Variants in ZNF780B observed in about 807,000 individuals in gnomAD.
The protein encoded by ZNF780B is zinc finger protein 780B, also known as zinc finger protein 779.
A neutral mutation model predicts 74.1 loss-of-function variants in ZNF780B; 52 were observed. The observed-to-expected ratio is 0.70, with a 90% confidence interval of 0.56 to 0.88. The LOEUF is 0.88. ZNF780B is among the 40% of genes least tolerant of loss of function. ZNF780B has a pLI of 0.00. For missense variants in ZNF780B, 953 were observed against 1,007.6 expected (o/e 0.95, Z 0.73); for synonymous variants, 315 against 324.3 (o/e 0.97, Z 0.31).
At chr19:40,048,569 G>A in intron 3 of ZNF780B, 101 bp downstream of exon 3, 9 of 1,573,576 alleles carry the variant, frequency 5.7e-6, no homozygotes, top group Non-Finnish European at 7.9e-6. Flanking sequence ...ATAAGAAGAA[G>A]GAATCCAACT....
Position 40,035,086 on chromosome 19 carries a change from C to A in ZNF780B, c.1773G>T (p.Gly591=). 1 of 1,614,020 alleles carries A rather than the reference C, an allele frequency of 6.2e-7. No homozygotes were observed. The highest frequency in any genetic ancestry group is 8.5e-7 in the Non-Finnish European group (1 of 1,179,960). Residue 591 remains glycine, a synonymous_variant, in exon 5 of 5, where the codon GGG becomes GGT. Transcript: ENST00000434248. ...GGTGCATATGAAGTCGAAAGGCTTT[C>A]CCACATTCCTTACATTCAAAGGGTT... ...GKKPFECKEC[G]KAFRLHMHLI...
intron 4 of ZNF780B, among the ~76,000 whole-genome samples, chr19:40,038,877 TG>T (rs1219760777): frequency 6.6e-6 from 1 of 150,436 alleles, no homozygotes; most frequent in Non-Finnish European, 1.5e-5. Context: ...TTCACTCTGA[TG>T]GTAGTTTCTT....
chr19:40,041,323 C>A (rs962330398), intron 4 of ZNF780B, among the ~76,000 whole-genome samples: 1 of 152,122 alleles, frequency 6.6e-6, no homozygotes, highest in Non-Finnish European at 1.5e-5. Context: ...GCTTTACTTC[C>A]AACTATGTGG....
intron 3 of ZNF780B, 95 bp downstream of exon 3, chr19:40,048,575 C>T: frequency 6.3e-7 from 1 of 1,587,408 alleles, no homozygotes; most frequent in South Asian, 1.1e-5. Context: ...AGAAGGAATC[C>T]AACTACCTCT....
chr19:40,053,757 C>A (rs189433816), intron 1 of ZNF780B, among the ~76,000 whole-genome samples: 1 of 152,126 alleles, frequency 6.6e-6, no homozygotes, highest in Non-Finnish European at 1.5e-5. Context: ...TGCTGTCATT[C>A]GCAACAACAT....
chr19:40,043,054 T>C (rs1196830728), intron 4 of ZNF780B, among the ~76,000 whole-genome samples: 2 of 152,218 alleles, frequency 1.3e-5, no homozygotes, highest in Non-Finnish European at 2.9e-5. Flanking sequence ...TGGTCTTTGA[T>C]GATGGTGACG....
chr19:40,039,325 T>C (rs1972515757), intron 4 of ZNF780B, among the ~76,000 whole-genome samples: 1 of 152,224 alleles, frequency 6.6e-6, no homozygotes, highest in African/African-American at 2.4e-5. Flanking sequence ...CCTTGTAGTA[T>C]AGTTTGAAGT....
intron 3 of ZNF780B, 126 bp downstream of exon 3, chr19:40,048,542 AAT>A: frequency 6.8e-7 from 1 of 1,480,718 alleles, no homozygotes; most frequent in Non-Finnish European, 9.3e-7. Flanking sequence ...AACAAATCTC[AAT>A]CCATTCCTTC....
intron 4 of ZNF780B, among the ~76,000 whole-genome samples, chr19:40,045,710 G>A (rs1035903865): frequency 8.5e-5 from 13 of 152,154 alleles, no homozygotes; most frequent in Admixed American, 6.5e-4. Context: ...ATATCAGACT[G>A]GGCGCAGTGG....
rs1051753415 is a variant in ZNF780B, at chr19:40,028,308, C to A, written c.*6049G>T. The A allele has an allele frequency of 2.6e-5, 4 of 152,070 alleles. No individual in the cohort carries two copies. Among genetic ancestry groups the A allele is most frequent in the African/African-American group, 9.7e-5 (4 of 41,418 alleles). 9.4% of individuals were successfully genotyped at this position (152,070 alleles called of 1,614,324 possible). A position where few individuals can be genotyped will look rare whatever the true frequency, so the allele number is the denominator to read the frequency against. ...TTAGAAAATGAGTTTGCAGAGCCCC[C>A]CCATCTACCATCCAGAAGTGGAACT... On this transcript the variant is annotated 3_prime_UTR_variant, in exon 5 of 5. Coordinates refer to ENST00000434248, the MANE Select transcript of ZNF780B (RefSeq NM_001005851.3).
chr19:40,054,386 T>C (rs540565451), intron 1 of ZNF780B, among the ~76,000 whole-genome samples: 87 of 152,312 alleles, frequency 5.7e-4, no homozygotes, highest in African/African-American at 2.0e-3. Flanking sequence ...AGAGTGGATA[T>C]TAAGTGTTCT....
chr19:40,041,490 G>A (rs1475147360), intron 4 of ZNF780B, among the ~76,000 whole-genome samples: 1 of 152,086 alleles, frequency 6.6e-6, no homozygotes, highest in Non-Finnish European at 1.5e-5. Context: ...TGATCTGTCT[G>A]ATGTTGACAG....
rs772288735 is a variant in ZNF780B at position 40,035,821 on chromosome 19, T to C, written c.1038A>G (p.Thr346=). The C allele has an allele frequency of 6.2e-7, 1 of 1,614,110 alleles. No individual in the cohort carries two copies. The highest frequency in any genetic ancestry group is 8.5e-7 in the Non-Finnish European group (1 of 1,180,010). ...GAATCTTCTGATGTCGAACAAGCTT[T>C]GTCAGAAGAGTAAAGGCCTTTCTGC... ...KECRKAFTLL[T]KLVRHQKIHM... Residue 346 remains threonine, a synonymous_variant, in exon 5 of 5, where the codon ACA becomes ACG. Coordinates refer to ENST00000434248, the MANE Select transcript of ZNF780B (RefSeq NM_001005851.3).
rs1380782814 is a variant in ZNF780B at position 40,035,859 on chromosome 19, C to A, written c.1000G>T (p.Glu334Ter). The change falls in exon 5 of 5, where the codon GAA becomes TAA. Residue 334 changes from glutamate to a stop codon, truncating the protein, a stop_gained. Coordinates refer to ENST00000434248, the MANE Select transcript of ZNF780B (RefSeq NM_001005851.3). LOFTEE classifies it high-confidence loss of function. ...AAGGCCTTTCTGCATTCTTTACATTCAAAGGGTTTCTCGCCAGTATGAATT... is the reference window on the plus strand; with the variant it reads ...AAGGCCTTTCTGCATTCTTTACATTAAAAGGGTTTCTCGCCAGTATGAATT... ...CRIHTGEKPFECKECRKAFTL... is the reference protein window; with the variant it reads ...CRIHTGEKPF The A allele has an allele frequency of 6.2e-7, 1 of 1,613,694 alleles. No individual in the cohort carries two copies. The highest frequency in any genetic ancestry group is 8.5e-7 in the Non-Finnish European group (1 of 1,179,994).
At chr19:40,053,203 C>T (rs974014405) in intron 1 of ZNF780B, among the ~76,000 whole-genome samples, 1 of 152,014 alleles carries the variant, frequency 6.6e-6, no homozygotes, top group Non-Finnish European at 1.5e-5. Context: ...ATATCCAAAA[C>T]GTGTGAGGAA....
At chr19:40,048,011 C>G (rs1295541488) in intron 3 of ZNF780B, among the ~76,000 whole-genome samples, 1 of 152,176 alleles carries the variant, frequency 6.6e-6, no homozygotes, top group Non-Finnish European at 1.5e-5. Context: ...AACAGAAAAG[C>G]ATACACTTCA....
chr19:40,041,822 C>G (rs1384685143), intron 4 of ZNF780B, among the ~76,000 whole-genome samples: 1 of 152,068 alleles, frequency 6.6e-6, no homozygotes, highest in South Asian at 2.1e-4. Flanking sequence ...GGTGGGTTTC[C>G]TGAATACAGC....
At chr19:40,050,716 G>A (rs1166906382) in intron 1 of ZNF780B, among the ~76,000 whole-genome samples, 4 of 152,242 alleles carry the variant, frequency 2.6e-5, no homozygotes, top group African/African-American at 9.6e-5. Context: ...CTGGGCCTCT[G>A]ATCCTGCTGT....
At chr19:40,051,233 C>CAT (rs201454605) in intron 1 of ZNF780B, among the ~76,000 whole-genome samples, 32 of 134,994 alleles carry the variant, frequency 2.4e-4, no homozygotes, top group Middle Eastern at 3.4e-3. Context: ...CACACACACA[C>CAT]ATATATACAC....
Sources: gnomAD v4.1 joint callset for allele counts (sites outside exome capture counted in the v4.1 genomes callset) on GRCh38, gnomAD v4.1.1 for gene constraint, MANE v1.5 for transcripts, NCBI Gene and HGNC (gene_info 2026-07-23, HGNC 2026-07-21) for gene names.